NAALADL2: variants seen among roughly 807,000 people sequenced by gnomAD.
NAALADL2 encodes the protein N-acetylated alpha-linked acidic dipeptidase like 2, also known as inactive N-acetylated-alpha-linked acidic dipeptidase-like protein 2.
In NAALADL2, 76 loss-of-function variants were observed where a neutral mutation model predicts 87.2. The ratio of observed to expected loss-of-function variants is 0.87; its 90% CI spans 0.72 to 1.05. The LOEUF (loss-of-function observed/expected upper bound fraction) is 1.05. NAALADL2 is among the 50% of genes least tolerant of loss of function. NAALADL2 has a pLI of 0.00. For missense variants in NAALADL2, 1,089 were observed against 945.8 expected (o/e 1.15, Z -1.99); for synonymous variants, 354 against 331.0 (o/e 1.07, Z -0.75).
chr3:174,691,933 T>G (rs1728619721), intron 2 of NAALADL2: 1 of 152,180 alleles, frequency 6.6e-6, no homozygotes, highest in African/African-American at 2.4e-5. Context: ...AGACCCTACT[T>G]CTAATTCAAT....
At chr3:174,879,996 T>C (rs73043529) in intron 1 of NAALADL2, among the ~76,000 whole-genome samples, 10,263 of 152,102 alleles carry the variant, frequency 0.067, 1,149 homozygotes, top group African/African-American at 0.23. Context: ...CCCTAATTTA[T>C]TAGTCACTCC....
At chr3:174,799,706 TC>T (rs1718583203) in intron 3 of NAALADL2, among the ~76,000 whole-genome samples, 1 of 152,202 alleles carries the variant, frequency 6.6e-6, no homozygotes, top group Non-Finnish European at 1.5e-5. Context: ...GAAGTGACTT[TC>T]AAACTGGGTA....
intron 3 of NAALADL2, among the ~76,000 whole-genome samples, chr3:174,836,277 A>C (rs779248050): frequency 2.0e-5 from 3 of 152,290 alleles, no homozygotes; most frequent in Admixed American, 2.0e-4. Flanking sequence ...AGGTACCTAG[A>C]TTAGTCAAAT....
intron 2 of NAALADL2, among the ~76,000 whole-genome samples, chr3:175,153,473 G>A (rs1034965861): frequency 6.6e-6 from 1 of 152,144 alleles, no homozygotes; most frequent in African/African-American, 2.4e-5. Context: ...TTCATATACA[G>A]TTTTTTAGTT....
intron 1 of NAALADL2, among the ~76,000 whole-genome samples, chr3:174,916,002 C>T (rs1160843242): frequency 1.3e-5 from 2 of 152,078 alleles, no homozygotes; most frequent in African/African-American, 4.8e-5. Flanking sequence ...TGTCCAGAAT[C>T]TACAAGGGAC....
chr3:174,642,910 G>A (rs983431330), intron 2 of NAALADL2, among the ~76,000 whole-genome samples: 5 of 151,704 alleles, frequency 3.3e-5, no homozygotes, highest in Admixed American at 1.3e-4. Context: ...AGCTTCCTGC[G>A]TAGCTGGGAC....
intron 5 of NAALADL2, among the ~76,000 whole-genome samples, chr3:175,406,907 G>T (rs866739188): frequency 6.6e-6 from 1 of 151,996 alleles, no homozygotes; most frequent in Admixed American, 6.6e-5. Flanking sequence ...TCGGCCGGGC[G>T]CTGTGGCTCA....
chr3:174,667,545 GT>G (rs71162402), intron 2 of NAALADL2, among the ~76,000 whole-genome samples: 9,295 of 123,714 alleles, frequency 0.075, 778 homozygotes, highest in African/African-American at 0.22. Flanking sequence ...ATGGGAGAGA[GT>G]TTTTTTTTTT....
chr3:175,336,338 A>G lies in NAALADL2; in HGVS notation c.1090+12013A>G, dbSNP rs544809124. On this transcript the variant is annotated intron_variant, in intron 5 of 13. Transcript: ENST00000454872. The stretch of plus-strand genomic sequence containing the variant: ...ACAGTCTGTAAAATCTCCCAAATGT[A>G]TCTAACCACGGAGTCATTTTTGAGG... Among the ~76,000 whole-genome samples, 3 of 152,328 alleles carry G rather than the reference A, an allele frequency of 2.0e-5. No homozygotes were observed. In the South Asian group the frequency reaches 6.2e-4, roughly 32 times the overall value.
At chr3:175,792,558 T>G (rs992487100) in intron 13 of NAALADL2, among the ~76,000 whole-genome samples, 3 of 152,232 alleles carry the variant, frequency 2.0e-5, no homozygotes, top group African/African-American at 7.2e-5. Context: ...AGATGTCAAC[T>G]AAATGAATTA....
chr3:174,660,300 C>A (rs1379746820), intron 2 of NAALADL2, among the ~76,000 whole-genome samples: 1 of 152,066 alleles, frequency 6.6e-6, no homozygotes, highest in Non-Finnish European at 1.5e-5. Flanking sequence ...TGACAAAATG[C>A]AATTTTCACT....
At chr3:175,172,682 G>T (rs950943651) in intron 2 of NAALADL2, among the ~76,000 whole-genome samples, 1 of 151,996 alleles carries the variant, frequency 6.6e-6, no homozygotes, top group African/African-American at 2.4e-5. Flanking sequence ...CATACTAGGT[G>T]GTAAGATACT....
At chr3:175,173,457 G>A (rs917232983) in intron 2 of NAALADL2, among the ~76,000 whole-genome samples, 9 of 152,044 alleles carry the variant, frequency 5.9e-5, no homozygotes, top group African/African-American at 1.7e-4. Context: ...AGCCAACGTC[G>A]TGCCACTGCA....
intron 4 of NAALADL2, 44 bp downstream of exon 4, chr3:175,256,574 C>A (rs759718894): frequency 6.3e-7 from 1 of 1,585,730 alleles, no homozygotes; most frequent in South Asian, 1.2e-5. Flanking sequence ...CAATATTTTG[C>A]CTTGTTTTGT....
At chr3:175,186,859 C>T (rs534325325) in intron 2 of NAALADL2, among the ~76,000 whole-genome samples, 1 of 151,982 alleles carries the variant, frequency 6.6e-6, no homozygotes, top group Non-Finnish European at 1.5e-5. Flanking sequence ...TTGCCTTTCT[C>T]GAGTGCTCAG....
intron 2 of NAALADL2, among the ~76,000 whole-genome samples, chr3:175,104,687 T>C (rs1468120328): frequency 6.6e-6 from 1 of 152,148 alleles, no homozygotes; most frequent in Non-Finnish European, 1.5e-5. Flanking sequence ...AACATGTAAA[T>C]GCATGCACAT....
chr3:175,198,308 G>A (rs2109113272), intron 2 of NAALADL2, among the ~76,000 whole-genome samples: 1 of 152,016 alleles, frequency 6.6e-6, no homozygotes, highest in South Asian at 2.1e-4. Flanking sequence ...AAAAGTGAAG[G>A]AGATTATTTT....
chr3:175,627,048 T>G (rs992346945), intron 10 of NAALADL2, among the ~76,000 whole-genome samples: 1 of 151,868 alleles, frequency 6.6e-6, no homozygotes, highest in African/African-American at 2.4e-5. Context: ...ATTGCTAAAT[T>G]AATTAAATAT....
chr3:174,632,842 C>T (rs527450522), intron 2 of NAALADL2, among the ~76,000 whole-genome samples: 2 of 144,338 alleles, frequency 1.4e-5, no homozygotes, highest in South Asian at 4.3e-4. Flanking sequence ...GGCTGAGGCA[C>T]GAGAATCACT....
Sources: allele counts gnomAD v4.1 joint callset (sites outside exome capture counted in the v4.1 genomes callset), GRCh38; gene constraint gnomAD v4.1.1; transcripts MANE v1.5; gene names NCBI Gene and HGNC (gene_info 2026-07-23, HGNC 2026-07-21).